The following ADCY9 variants were observed in gnomAD, a reference collection of about 807,000 sequenced individuals.
ADCY9 encodes the protein adenylate cyclase type 9.
In ADCY9, 50 loss-of-function variants were observed where a neutral mutation model predicts 101.5. That is an observed-to-expected ratio of 0.49 (90% CI 0.39 to 0.62). The LOEUF (loss-of-function observed/expected upper bound fraction) is 0.62. Ranked by LOEUF, ADCY9 falls within the 20% of genes least tolerant of loss-of-function variation. ADCY9 has a pLI of 0.00. For missense variants in ADCY9, 1,662 were observed against 1,800.4 expected (o/e 0.92, Z 1.39); for synonymous variants, 905 against 769.3 (o/e 1.18, Z -2.92).
chr16:4,020,917 A>T (rs910710110), intron 2 of ADCY9, among the ~76,000 whole-genome samples: 9 of 152,184 alleles, frequency 5.9e-5, no homozygotes, highest in African/African-American at 2.2e-4. Context: ...AAGAGCTGGA[A>T]ACATTTGAAC....
At chr16:3,960,981 T>C (rs1231156337), downstream of ADCY9, among the ~76,000 whole-genome samples, 2 of 148,058 alleles carry the variant, frequency 1.4e-5, no homozygotes, top group African/African-American at 5.0e-5. Context: ...CTATTCCAGG[T>C]GGCCACAGCC....
intron 2 of ADCY9, among the ~76,000 whole-genome samples, chr16:4,034,505 G>T (rs562777880): frequency 6.6e-6 from 1 of 152,120 alleles, no homozygotes; most frequent in Admixed American, 6.6e-5. Flanking sequence ...CGCCTCCCAG[G>T]TTCAAGAGTT....
At chr16:4,110,179 A>G (rs911833813) in intron 2 of ADCY9, among the ~76,000 whole-genome samples, 1 of 152,122 alleles carries the variant, frequency 6.6e-6, no homozygotes, top group Non-Finnish European at 1.5e-5. Context: ...ACGCGCCCCA[A>G]AGTGGGGCCG....
intron 2 of ADCY9, among the ~76,000 whole-genome samples, chr16:4,064,926 C>G (rs1042857739): frequency 2.0e-5 from 3 of 152,204 alleles, no homozygotes; most frequent in Non-Finnish European, 4.4e-5. Flanking sequence ...CTTGCCCAGT[C>G]CACTCCTGAT....
chr16:4,091,914 C>T (rs1004305844), intron 2 of ADCY9, among the ~76,000 whole-genome samples: 12 of 152,126 alleles, frequency 7.9e-5, no homozygotes, highest in Admixed American at 2.6e-4. Flanking sequence ...TGTGAATGTG[C>T]GATATGCCAC....
chr16:4,076,121 G>A (rs2056865852), intron 2 of ADCY9, among the ~76,000 whole-genome samples: 1 of 152,180 alleles, frequency 6.6e-6, no homozygotes, highest in South Asian at 2.1e-4. Flanking sequence ...TTGAGCCCAC[G>A]AGTTCGAGGC....
At chr16:4,066,379 G>A (rs1020412631) in intron 2 of ADCY9, among the ~76,000 whole-genome samples, 33 of 152,148 alleles carry the variant, frequency 2.2e-4, no homozygotes. Flanking sequence ...ACTGAGCAGT[G>A]ATTTTACCTT....
intron 2 of ADCY9, among the ~76,000 whole-genome samples, chr16:4,056,540 C>T (rs866472011): frequency 6.6e-6 from 1 of 152,182 alleles, no homozygotes; most frequent in South Asian, 2.1e-4. Context: ...AGCCGTGAGC[C>T]ACCACACCCA....
rs1280761772 is a variant in ADCY9 at position 3,954,204 on chromosome 16, C to T, written c.568-688G>A. On this transcript the variant is annotated intron_variant, in intron 5 of 5. Transcript: ENST00000576936. ...ATGCAGAGCTGCAGGACGGGCGTCG[C>T]TGAGCTGGCCGGGGCAGGCTGGGAG... 4.6e-5 allele frequency among the ~76,000 whole-genome samples: 7 copies of T among 152,216 alleles called. No individual in the cohort carries two copies. The East Asian group carries it at 1.3e-3, about 29-fold the overall frequency.
intron 2 of ADCY9, among the ~76,000 whole-genome samples, chr16:4,085,469 G>A (rs1311340591): frequency 1.3e-5 from 2 of 152,120 alleles, no homozygotes; most frequent in Non-Finnish European, 2.9e-5. Flanking sequence ...ATGAATGTGT[G>A]TGTGAACACC....
chr16:4,053,189 C>T (rs749364334), intron 2 of ADCY9, among the ~76,000 whole-genome samples: 5 of 152,174 alleles, frequency 3.3e-5, no homozygotes, highest in South Asian at 2.1e-4. Flanking sequence ...CATACACCAG[C>T]GCGGTTATCC....
At chr16:4,071,346 A>AT (rs2056832975) in intron 2 of ADCY9, among the ~76,000 whole-genome samples, 4 of 143,588 alleles carry the variant, frequency 2.8e-5, no homozygotes, top group Admixed American at 6.8e-5. Flanking sequence ...AAAAAAAAAA[A>AT]AAAAAAAAAA....
rs148291399 is a variant in ADCY9 at position 4,115,068 on chromosome 16, G to A, written c.375C>T (p.Phe125=). Residue 125 remains phenylalanine (F), a synonymous_variant, in exon 2 of 11, where the codon TTC becomes TTT. Coordinates refer to ENST00000294016, the MANE Select transcript of ADCY9 (RefSeq NM_001116.4). The surrounding 1 kb of genome is among the most constrained non-coding windows in gnomAD (Gnocchi z 6.2). ...RFRYALFYIG[F]ACLLWSIYFA... ...AATAGATGCTCCACAGAAGGCAGGC[G>A]AAGCCGATGTAGAAGAGCGCATACC... is the stretch of plus-strand genomic sequence containing the variant. 830 of 1,614,012 alleles carry A rather than the reference G, an allele frequency of 5.1e-4. 6 individuals carry two copies. In the East Asian group the frequency reaches 0.015, roughly 30 times the overall value.
intron 2 of ADCY9, among the ~76,000 whole-genome samples, chr16:4,046,255 C>T (rs909289805): frequency 2.6e-5 from 4 of 151,998 alleles, no homozygotes; most frequent in Admixed American, 6.6e-5. Context: ...CCACGGCACA[C>T]AGTGCCCAGC....
rs528481334 is a variant in ADCY9, at chr16:4,089,063, G to T, written c.1693+24687C>A. The stretch of plus-strand genomic sequence containing the variant: ...CTGTAGTTCTAGAGTTCCTAGAAAT[G>T]GAATCATATAAAACGTGGCATTTGG... On this transcript the variant is annotated intron_variant, in intron 2 of 10. Coordinates refer to ENST00000294016, the MANE Select transcript of ADCY9 (RefSeq NM_001116.4). Among the ~76,000 whole-genome samples the T allele has an allele frequency of 4.8e-3, 737 of 152,074 alleles. 5 individuals are homozygous for T. Among genetic ancestry groups the T allele is most frequent in the African/African-American group, 0.017 (707 of 41,536 alleles).
At chr16:4,110,772 G>A (rs1276514007) in intron 2 of ADCY9, among the ~76,000 whole-genome samples, 1 of 152,146 alleles carries the variant, frequency 6.6e-6, no homozygotes, top group Middle Eastern at 3.2e-3. Flanking sequence ...GTGGCTTTTG[G>A]GTTGTCAGGT....
chr16:4,017,740 C>T (rs1286243930), intron 2 of ADCY9, among the ~76,000 whole-genome samples: 1 of 151,270 alleles, frequency 6.6e-6, no homozygotes, highest in Non-Finnish European at 1.5e-5. Context: ...AAAAATTCAA[C>T]ATAGCAAAAG....
intron 9 of ADCY9, among the ~76,000 whole-genome samples, chr16:3,976,234 C>T (rs1290207768): frequency 6.6e-6 from 1 of 152,132 alleles, no homozygotes; most frequent in Non-Finnish European, 1.5e-5. Context: ...TCAGACAATC[C>T]ACCCGCTTCA....
chr16:4,076,865 T>C (rs1428125781), intron 2 of ADCY9, among the ~76,000 whole-genome samples: 1 of 151,890 alleles, frequency 6.6e-6, no homozygotes, highest in Non-Finnish European at 1.5e-5. Flanking sequence ...TCACCTGAGG[T>C]GAGGAGTCCG....
Sources: allele counts gnomAD v4.1 joint callset (sites outside exome capture counted in the v4.1 genomes callset), GRCh38; gene constraint gnomAD v4.1.1; non-coding constraint Gnocchi (gnomAD v3.1); transcripts MANE v1.5; gene names NCBI Gene and HGNC (gene_info 2026-07-23, HGNC 2026-07-21).